Variants in WASF3 observed in about 807,000 individuals in gnomAD.
WASF3 encodes WASP family member 3, also known as actin-binding protein WASF3.
In WASF3, 11 loss-of-function variants were observed where a neutral mutation model predicts 46.6. The observed-to-expected ratio is 0.24, with a 90% confidence interval of 0.15 to 0.39. The LOEUF (loss-of-function observed/expected upper bound fraction) is 0.39. Ranked by LOEUF, WASF3 falls within the 10% of genes least tolerant of loss-of-function variation. WASF3 has a pLI of 1.00. For missense variants in WASF3, 576 were observed against 669.8 expected (o/e 0.86, Z 1.55); for synonymous variants, 242 against 259.7 (o/e 0.93, Z 0.65).
At chr13:26,557,885 C>T in intron 1 of WASF3, 66 bp downstream of exon 1, 1 of 293,910 alleles carries the variant, frequency 3.4e-6, no homozygotes, top group Non-Finnish European at 6.3e-6. Context: ...CGGCTCCGGG[C>T]CGGGCGGCTG....
At chr13:26,586,096 AT>A (rs1880119353) in intron 1 of WASF3, among the ~76,000 whole-genome samples, 1 of 152,260 alleles carries the variant, frequency 6.6e-6, no homozygotes, top group Non-Finnish European at 1.5e-5. Context: ...ACCTCATTTG[AT>A]ATATAATCTT....
intron 2 of WASF3, among the ~76,000 whole-genome samples, chr13:26,637,790 C>T (rs1224411147): frequency 2.6e-5 from 4 of 152,218 alleles, no homozygotes; most frequent in Admixed American, 6.5e-5. Flanking sequence ...GGACTACCCT[C>T]CTATCAGGAT....
At chr13:26,619,644 A>G (rs900895999) in intron 2 of WASF3, 1 of 150,454 alleles carries the variant, frequency 6.6e-6, no homozygotes, top group Non-Finnish European at 1.5e-5. Context: ...TATGCATGCA[A>G]TCAGCAACAA....
chr13:26,585,642 A>G (rs902096588), intron 1 of WASF3, among the ~76,000 whole-genome samples: 7 of 152,142 alleles, frequency 4.6e-5, no homozygotes, highest in Non-Finnish European at 4.4e-5. Flanking sequence ...GGGCTCAGGA[A>G]TCTCTGTTGA....
At position 26,563,654 on chromosome 13, in the gene WASF3, CAAAAA is replaced by C. The variant is rs34374716; in HGVS notation, c.-109+5855_-109+5859del. Among the ~76,000 whole-genome samples the C allele has an allele frequency of 1.3e-4, 6 of 47,032 alleles. No individual in the cohort carries two copies. The East Asian group carries it at 2.9e-3, about 23-fold the overall frequency. The allele number at this position is 47,032 out of a possible 152,430, so 30.9% of individuals were successfully genotyped here. A position where few individuals can be genotyped will look rare whatever the true frequency, so the allele number is the denominator to read the frequency against. On this transcript the variant is annotated intron_variant, in intron 1 of 9. Coordinates refer to ENST00000335327, the MANE Select transcript of WASF3 (RefSeq NM_006646.6). ...TGGGCAACAGAGTGAGACTCCATCT[CAAAAA>C]AAAAAAAAAAAAAAAAAAAGAATAG...
chr13:26,653,990 C>G (rs564762252), intron 3 of WASF3, among the ~76,000 whole-genome samples: 1 of 152,292 alleles, frequency 6.6e-6, no homozygotes, highest in East Asian at 1.9e-4. Flanking sequence ...TCTTTCTCTC[C>G]TATCAGAGAC....
At chr13:26,564,339 G>A (rs766916978) in intron 1 of WASF3, among the ~76,000 whole-genome samples, 2 of 152,174 alleles carry the variant, frequency 1.3e-5, no homozygotes, top group Non-Finnish European at 2.9e-5. Context: ...GAACGTCGTC[G>A]TCATATAGAG....
chr13:26,549,756 A>G, the WASF3 span, among the ~76,000 whole-genome samples: 1 of 152,262 alleles, frequency 6.6e-6, no homozygotes, highest in South Asian at 2.1e-4. Context: ...TTATAGGAAA[A>G]GCCATTGCAT....
intron 6 of WASF3, among the ~76,000 whole-genome samples, chr13:26,675,782 G>A (rs1327053320): frequency 2.0e-5 from 3 of 152,012 alleles, no homozygotes; most frequent in Admixed American, 2.0e-4. Context: ...TGTATTGAGT[G>A]TGTATTCTGT....
chr13:26,625,918 C>G (rs1274692126), intron 2 of WASF3: 1 of 152,050 alleles, frequency 6.6e-6, no homozygotes, highest in African/African-American at 2.4e-5. Flanking sequence ...GAATAAAAAC[C>G]AGTTGTGGAG....
At chr13:26,582,393 G>A (rs990260398) in intron 1 of WASF3, among the ~76,000 whole-genome samples, 1 of 151,922 alleles carries the variant, frequency 6.6e-6, no homozygotes, top group Non-Finnish European at 1.5e-5. Flanking sequence ...AAAGAAAGCC[G>A]GGCCGGGCAC....
intron 2 of WASF3, chr13:26,641,134 A>G (rs1881984430): frequency 6.6e-6 from 1 of 152,050 alleles, no homozygotes; most frequent in Non-Finnish European, 1.5e-5. Flanking sequence ...AAATTCTTTA[A>G]TTTACCTTTC....
chr13:26,619,555 T>C (rs1221460745), intron 2 of WASF3: 3 of 152,190 alleles, frequency 2.0e-5, no homozygotes, highest in African/African-American at 7.2e-5. Flanking sequence ...AACTCAGTGG[T>C]TAACCAAAGG....
chr13:26,608,106 G>A (rs1467007131), intron 1 of WASF3, among the ~76,000 whole-genome samples: 2 of 140,394 alleles, frequency 1.4e-5, no homozygotes, highest in Non-Finnish European at 3.0e-5. Context: ...AAGAGTGGTT[G>A]ATGTGGTCCA....
upstream of WASF3, among the ~76,000 whole-genome samples, chr13:26,555,114 A>G (rs1403216445): frequency 6.6e-6 from 1 of 152,142 alleles, no homozygotes; most frequent in Admixed American, 6.5e-5. Flanking sequence ...GGTATGTCAT[A>G]GTATTTCATT....
Position 26,676,816 on chromosome 13 carries a change from G to A in WASF3, c.716+92G>A, listed in dbSNP as rs962241666. ...TCATTTGAAATGCATCAATAGCTTC[G>A]GGGTTTATATGGCCCTTGATGTCTT... On this transcript the variant is annotated intron_variant, in intron 7 of 9. Transcript: ENST00000335327. 2.6e-5 allele frequency: 34 copies of A among 1,304,468 alleles called. No individual in the cohort carries two copies. The South Asian group carries it at 2.9e-4, about 11-fold the overall frequency. The allele number at this position is 1,304,468 out of a possible 1,614,324, so 80.8% of individuals were successfully genotyped here.
chr13:26,602,955 T>C (rs1399746447), intron 1 of WASF3, among the ~76,000 whole-genome samples: 1 of 152,232 alleles, frequency 6.6e-6, no homozygotes, highest in African/African-American at 2.4e-5. Context: ...GGTTATGATC[T>C]AACCCGTTGG....
intron 1 of WASF3, among the ~76,000 whole-genome samples, chr13:26,606,222 A>G (rs1267105216): frequency 1.3e-5 from 2 of 152,146 alleles, no homozygotes; most frequent in East Asian, 3.8e-4. Flanking sequence ...CTGTAGCCTC[A>G]CAGGAGACAG....
chr13:26,586,843 A>G (rs989853294), intron 1 of WASF3, among the ~76,000 whole-genome samples: 1 of 152,126 alleles, frequency 6.6e-6, no homozygotes, highest in African/African-American at 2.4e-5. Flanking sequence ...TTTTGTACTG[A>G]CAATTTTTTT....
Sources: allele counts gnomAD v4.1 joint callset (sites outside exome capture counted in the v4.1 genomes callset), GRCh38; gene constraint gnomAD v4.1.1; transcripts MANE v1.5; gene names NCBI Gene and HGNC (gene_info 2026-07-23, HGNC 2026-07-21).